The following CRPPA variants were observed in gnomAD, a reference collection of about 807,000 sequenced individuals.
CRPPA encodes the protein D-ribitol-5-phosphate cytidylyltransferase.
Under a neutral mutation model 52.0 loss-of-function variants are expected in CRPPA, and 43 were observed. The observed-to-expected ratio is 0.83, with a 90% CI of 0.65 to 1.07. The LOEUF (loss-of-function observed/expected upper bound fraction) is 1.07, where lower values mean the gene tolerates loss of function less well. Among genes scored for constraint, CRPPA ranks in the 50% least tolerant of loss-of-function variants. The pLI, the probability that CRPPA is intolerant of heterozygous loss-of-function variation, is 0.00. For synonymous variants in CRPPA, 250 were observed against 203.5 expected (o/e 1.23, Z -1.94); for missense variants, 629 against 551.7 (o/e 1.14, Z -1.40).
At chr7:16,115,579 C>A (rs191174577) in intron 9 of CRPPA, among the ~76,000 whole-genome samples, 1 of 152,240 alleles carries the variant, frequency 6.6e-6, no homozygotes, top group East Asian at 1.9e-4. Flanking sequence ...CCTTAGTGCT[C>A]AGGATCTTGG....
chr7:16,302,147 T>C (rs1249015986), intron 4 of CRPPA, among the ~76,000 whole-genome samples: 1 of 151,898 alleles, frequency 6.6e-6, no homozygotes, highest in Non-Finnish European at 1.5e-5. Flanking sequence ...ATACAAAAAA[T>C]TAGCCAGGCG....
intron 9 of CRPPA, among the ~76,000 whole-genome samples, chr7:16,139,643 C>T (rs1782829682): frequency 6.6e-6 from 1 of 152,086 alleles, no homozygotes. Context: ...AAACCAGAAG[C>T]TTCTATCTTT....
At chr7:16,243,372 T>G (rs1240289971) in intron 8 of CRPPA, among the ~76,000 whole-genome samples, 2 of 152,172 alleles carry the variant, frequency 1.3e-5, no homozygotes, top group Admixed American at 1.3e-4. Context: ...GAAAACAGAC[T>G]AACAGATGAT....
At chr7:16,250,770 C>A (rs992251715) in intron 8 of CRPPA, among the ~76,000 whole-genome samples, 3 of 152,184 alleles carry the variant, frequency 2.0e-5, no homozygotes, top group African/African-American at 7.2e-5. Flanking sequence ...ATTGCAAAAA[C>A]ATGCCAAATT....
chr7:16,308,381 A>G, intron 4 of CRPPA, 142 bp downstream of exon 4: 1 of 578,592 alleles, frequency 1.7e-6, no homozygotes, highest in East Asian at 2.8e-5. Context: ...CAAGCAATAG[A>G]AGGGATACTA....
At chr7:16,154,530 A>T (rs1436618298) in intron 9 of CRPPA, among the ~76,000 whole-genome samples, 1 of 152,190 alleles carries the variant, frequency 6.6e-6, no homozygotes, top group Non-Finnish European at 1.5e-5. Flanking sequence ...TACTCCGAGT[A>T]ATAAAACTAA....
At position 16,351,265 on chromosome 7, in the gene CRPPA, T is replaced by A. The variant is rs183997375; in HGVS notation, c.684+24827A>T. Among the ~76,000 whole-genome samples the A allele has an allele frequency of 1.1e-4, 17 of 152,192 alleles. 1 individual carries two copies. The East Asian group carries it at 3.3e-3, about 29-fold the overall frequency. On this transcript the variant is annotated intron_variant, in intron 3 of 9. Transcript: ENST00000407010. Reference sequence around the variant, plus strand: ...ACCTTACACAAAAATTAACTCAAGATGGATTAAAGATTTAAACCTAGGTCC... The same window carrying A: ...ACCTTACACAAAAATTAACTCAAGAAGGATTAAAGATTTAAACCTAGGTCC...
intron 8 of CRPPA, among the ~76,000 whole-genome samples, chr7:16,246,476 C>T (rs1262599465): frequency 2.0e-5 from 3 of 152,156 alleles, no homozygotes; most frequent in Non-Finnish European, 4.4e-5. Flanking sequence ...AGGGTGAATC[C>T]TTTCCAGAAG....
intron 6 of CRPPA, chr7:16,276,768 A>T (rs1250083307): frequency 6.6e-6 from 1 of 152,222 alleles, no homozygotes; most frequent in Non-Finnish European, 1.5e-5. Flanking sequence ...TAAGGGAGAT[A>T]GTAGGTAATG....
chr7:16,369,028 C>G lies in CRPPA; in HGVS notation c.684+7064G>C, dbSNP rs1786680433. ...GCAATATTTAAGAACCTAATCCATGCCATAAACTCTTCTAGGTGCTAGAAA... is the reference window on the plus strand; with the variant it reads ...GCAATATTTAAGAACCTAATCCATGGCATAAACTCTTCTAGGTGCTAGAAA... On this transcript the variant is annotated intron_variant, in intron 3 of 9. Coordinates refer to ENST00000407010, the MANE Select transcript of CRPPA (RefSeq NM_001101426.4). Among the ~76,000 whole-genome samples, 5 of 152,166 alleles carry G rather than the reference C, an allele frequency of 3.3e-5. No homozygotes were observed. In the South Asian group the frequency reaches 1.0e-3, roughly 32 times the overall value.
At position 16,164,380 on chromosome 7, in the gene CRPPA, T is replaced by C. The variant is rs537274158; in HGVS notation, c.1251+51686A>G. 5.4e-4 allele frequency among the ~76,000 whole-genome samples: 83 copies of C among 152,330 alleles called. 2 individuals are homozygous for C. The South Asian group carries it at 0.017, about 30-fold the overall frequency. Reference sequence around the variant, plus strand: ...CCATCAGGTCATTTATGTTCTTCTGTAAACTGGTTATTCTAGCTAGCAGTT... The same window carrying C: ...CCATCAGGTCATTTATGTTCTTCTGCAAACTGGTTATTCTAGCTAGCAGTT... On this transcript the variant is annotated intron_variant, in intron 9 of 9. Coordinates refer to ENST00000407010, the MANE Select transcript of CRPPA (RefSeq NM_001101426.4).
At chr7:16,272,780 T>C (rs1288093699) in intron 6 of CRPPA, among the ~76,000 whole-genome samples, 1 of 152,182 alleles carries the variant, frequency 6.6e-6, no homozygotes, top group South Asian at 2.1e-4. Flanking sequence ...GAATATTAAT[T>C]AGTAGAGACC....
intron 3 of CRPPA, among the ~76,000 whole-genome samples, chr7:16,325,522 A>G (rs1366622818): frequency 6.6e-6 from 1 of 152,178 alleles, no homozygotes; most frequent in Admixed American, 6.5e-5. Context: ...AACAATAAGA[A>G]CTATCAGAGG....
chr7:16,159,128 G>A (rs1313223608), intron 9 of CRPPA, among the ~76,000 whole-genome samples: 1 of 152,066 alleles, frequency 6.6e-6, no homozygotes, highest in East Asian at 1.9e-4. Flanking sequence ...TTAAAAATTG[G>A]GAGAGTGGCC....
At chr7:16,188,565 G>A (rs576211173) in intron 9 of CRPPA, among the ~76,000 whole-genome samples, 1 of 152,084 alleles carries the variant, frequency 6.6e-6, no homozygotes, top group Non-Finnish European at 1.5e-5. Context: ...GTGTGAGATT[G>A]GACATACAAC....
At chr7:16,344,276 A>C (rs1785946329) in intron 3 of CRPPA, among the ~76,000 whole-genome samples, 1 of 151,928 alleles carries the variant, frequency 6.6e-6, no homozygotes, top group African/African-American at 2.4e-5. Flanking sequence ...CTTATTTAAA[A>C]TAACGTGGGC....
intron 8 of CRPPA, among the ~76,000 whole-genome samples, chr7:16,222,056 A>T (rs1396822938): frequency 1.3e-5 from 2 of 150,080 alleles, no homozygotes; most frequent in East Asian, 2.0e-4. Flanking sequence ...CAAATGTCCA[A>T]CAATGATAGA....
At chr7:16,400,057 T>C (rs1256383447) in intron 2 of CRPPA, among the ~76,000 whole-genome samples, 2 of 152,108 alleles carry the variant, frequency 1.3e-5, no homozygotes, top group Non-Finnish European at 2.9e-5. Context: ...AACACGTGAT[T>C]GGCACGTGAT....
chr7:16,370,339 G>T (rs780977024), intron 3 of CRPPA, among the ~76,000 whole-genome samples: 16 of 152,150 alleles, frequency 1.1e-4, no homozygotes, highest in Non-Finnish European at 2.2e-4. Context: ...ATTTCTGCAG[G>T]GAAATAAGCC....
Sources: gnomAD v4.1 joint callset for allele counts (sites outside exome capture counted in the v4.1 genomes callset) on GRCh38, gnomAD v4.1.1 for gene constraint, MANE v1.5 for transcripts, NCBI Gene and HGNC (gene_info 2026-07-23, HGNC 2026-07-21) for gene names.